MTFR1: variants seen among roughly 807,000 people sequenced by gnomAD.
MTFR1 encodes the protein mitochondrial fission regulator 1, also known as chondrocyte protein with a poly-proline region.
In MTFR1, 28 loss-of-function variants were observed where a neutral mutation model predicts 38.8. The observed-to-expected ratio is 0.72, with a 90% CI of 0.53 to 0.99. The LOEUF (loss-of-function observed/expected upper bound fraction) is 0.99, where lower values mean the gene tolerates loss of function less well. MTFR1 is among the 50% of genes least tolerant of loss of function. MTFR1 has a pLI of 0.00. For synonymous variants in MTFR1, 145 were observed against 137.0 expected (o/e 1.06, Z -0.41); for missense variants, 358 against 395.5 (o/e 0.91, Z 0.81).
At chr8:65,703,234 AATT>A (rs1563456642) in intron 4 of MTFR1, among the ~76,000 whole-genome samples, 2 of 151,662 alleles carry the variant, frequency 1.3e-5, no homozygotes, top group African/African-American at 4.8e-5. Flanking sequence ...AAAAGAAAAA[AATT>A]AGCCAGGCAT....
chr8:65,719,707 G>A (rs2129063255), intron 3 of MTFR1: 1 of 556,894 alleles, frequency 1.8e-6, no homozygotes, highest in Non-Finnish European at 3.2e-6. Context: ...ATGGAAATTT[G>A]AGTAAAAGTG....
chr8:65,777,947 A>G, the MTFR1 span, among the ~76,000 whole-genome samples: 2 of 152,104 alleles, frequency 1.3e-5, no homozygotes, highest in South Asian at 2.1e-4. Context: ...TCTTTTACCA[A>G]CTTCTAGAGA....
At chr8:65,686,723 G>A (rs1805091952) in intron 3 of MTFR1, among the ~76,000 whole-genome samples, 2 of 151,922 alleles carry the variant, frequency 1.3e-5, no homozygotes, top group South Asian at 2.1e-4. Flanking sequence ...AGGAATTTGC[G>A]ACCAGCTCGG....
chr8:65,764,016 T>C (rs2063684), intron 3 of MTFR1, among the ~76,000 whole-genome samples: 2,250 of 152,308 alleles, frequency 0.015, 44 homozygotes, highest in African/African-American at 0.05. Context: ...TAGGCACTTA[T>C]GAATCACCTG....
chr8:65,771,594 T>C (rs1809085843), downstream of MTFR1, among the ~76,000 whole-genome samples: 1 of 152,132 alleles, frequency 6.6e-6, no homozygotes, highest in South Asian at 2.1e-4. Flanking sequence ...GCGCACGCAG[T>C]GGCTCACGCG....
rs1804518964 is a variant in MTFR1, at chr8:65,669,882, T to C, written c.-71T>C. The C allele has an allele frequency of 8.4e-7, 1 of 1,189,976 alleles. No homozygotes were observed. The highest frequency in any genetic ancestry group is 1.2e-6 in the Non-Finnish European group (1 of 817,494). The allele number at this position is 1,189,976 out of a possible 1,614,324, so 73.7% of individuals were successfully genotyped here. ...CATTTTAAATTTTCAGTGTGTTTTA[T>C]GGACCATGTGCTGCTATGTATGCCT... On this transcript the variant is annotated 5_prime_UTR_variant, in exon 2 of 8. The change abolishes an upstream ATG in the 5' untranslated region. Coordinates refer to ENST00000262146, the MANE Select transcript of MTFR1 (RefSeq NM_014637.4).
intron 2 of MTFR1, among the ~76,000 whole-genome samples, chr8:65,671,331 G>A (rs1356022462): frequency 1.8e-4 from 28 of 151,936 alleles, no homozygotes; most frequent in Admixed American, 1.8e-3. Flanking sequence ...CTAGGAATTC[G>A]AGACCATCCT....
chr8:65,673,854 C>T (rs535603640), intron 2 of MTFR1, among the ~76,000 whole-genome samples: 4 of 151,878 alleles, frequency 2.6e-5, no homozygotes, highest in East Asian at 3.9e-4. Context: ...TGCAGTGAGC[C>T]GAGATTGTGC....
intron 2 of MTFR1, among the ~76,000 whole-genome samples, chr8:65,715,740 C>G (rs1806107240): frequency 6.8e-6 from 1 of 147,660 alleles, no homozygotes; most frequent in African/African-American, 2.5e-5. Context: ...AATCCCAGCA[C>G]TATGGGAGGC....
chr8:65,650,182 C>T lies in MTFR1; in HGVS notation c.-81+5398C>T, dbSNP rs958940907. Among the ~76,000 whole-genome samples, 107 of 149,806 alleles carry T rather than the reference C, an allele frequency of 7.1e-4. 1 individual carries two copies. Among genetic ancestry groups the T allele is most frequent in the African/African-American group, 2.4e-3 (98 of 40,602 alleles). On this transcript the variant is annotated intron_variant, in intron 1 of 7. Transcript: ENST00000262146. ...TAGAGACAGGGCTATGCCATGTTGG[C>T]CAGACTGCTGGTAACCATCCTTATA...
intron 4 of MTFR1, among the ~76,000 whole-genome samples, chr8:65,703,962 C>T (rs1040171020): frequency 4.6e-5 from 7 of 151,856 alleles, no homozygotes; most frequent in Admixed American, 2.0e-4. Context: ...GCTTGTAATT[C>T]GAGTACTTTG....
At chr8:65,753,043 G>T (rs1163877125) in intron 3 of MTFR1, among the ~76,000 whole-genome samples, 1 of 152,052 alleles carries the variant, frequency 6.6e-6, no homozygotes. Flanking sequence ...TTAAATTTGT[G>T]CTTTATGGTA....
chr8:65,758,564 A>T (rs984987317), intron 3 of MTFR1, among the ~76,000 whole-genome samples: 1 of 152,204 alleles, frequency 6.6e-6, no homozygotes, highest in East Asian at 1.9e-4. Context: ...GCTGAATGTG[A>T]GCACACACTT....
chr8:65,702,869 T>C (rs1805656077), intron 4 of MTFR1, among the ~76,000 whole-genome samples: 2 of 151,998 alleles, frequency 1.3e-5, no homozygotes. Flanking sequence ...GCTACAAAAG[T>C]GGCTTCCCTT....
At chr8:65,691,677 T>C (rs1805283619) in intron 3 of MTFR1, among the ~76,000 whole-genome samples, 1 of 152,050 alleles carries the variant, frequency 6.6e-6, no homozygotes, top group South Asian at 2.1e-4. Context: ...TGTGACCGAG[T>C]CTTGCTCTGT....
At chr8:65,723,553 T>C in intron 3 of MTFR1, 1 of 1,577,092 alleles carries the variant, frequency 6.3e-7, no homozygotes, top group Non-Finnish European at 8.6e-7. Flanking sequence ...ATCTGGATGT[T>C]GGCAATAGAT....
chr8:65,711,227 A>G (rs1805934857), downstream of MTFR1, among the ~76,000 whole-genome samples: 1 of 152,144 alleles, frequency 6.6e-6, no homozygotes, highest in Non-Finnish European at 1.5e-5. Flanking sequence ...GAGGGGTAGG[A>G]CTTGCAGTCT....
chr8:65,771,002 C>G (rs1461876356), exon 4 of MTFR1: 1 of 352,400 alleles, frequency 2.8e-6, no homozygotes, highest in Non-Finnish European at 5.6e-6. Flanking sequence ...GCAAATCCTA[C>G]TGAAGATAAA....
chr8:65,647,359 A>C (rs1411979600), intron 1 of MTFR1, among the ~76,000 whole-genome samples: 1 of 152,240 alleles, frequency 6.6e-6, no homozygotes, highest in South Asian at 2.1e-4. Context: ...GTTGCCCAGG[A>C]TGCAGTGCAG....
Sources: allele counts gnomAD v4.1 joint callset (sites outside exome capture counted in the v4.1 genomes callset), GRCh38; gene constraint gnomAD v4.1.1; transcripts MANE v1.5; gene names NCBI Gene and HGNC (gene_info 2026-07-23, HGNC 2026-07-21).